LRP1B: variants seen among roughly 807,000 people sequenced by gnomAD.
The protein encoded by LRP1B is low-density lipoprotein receptor-related protein 1B.
In LRP1B, 217 loss-of-function variants were observed where a neutral mutation model predicts 556.6. That is an observed-to-expected ratio of 0.39 (90% CI 0.35 to 0.44). The LOEUF is 0.44. Ranked by LOEUF, LRP1B falls within the 20% of genes least tolerant of loss-of-function variation. LRP1B has a pLI of 1.00. For missense variants in LRP1B, 5,053 were observed against 5,620.8 expected, an observed-to-expected ratio of 0.90 and a Z score of 3.23; for synonymous variants, 2,047 against 1,865.8, an observed-to-expected ratio of 1.10 and a Z score of -2.50.
intron 2 of LRP1B, among the ~76,000 whole-genome samples, chr2:141,706,436 A>G (rs891950108): frequency 3.3e-5 from 5 of 152,088 alleles, no homozygotes; most frequent in Admixed American, 2.6e-4. Flanking sequence ...TTTGTGTTCA[A>G]TCAAATGCAT....
chr2:140,942,357 A>G (rs34672379), intron 20 of LRP1B, among the ~76,000 whole-genome samples: 4,230 of 152,256 alleles, frequency 0.028, 63 homozygotes, highest in African/African-American at 0.037. Context: ...AGCAACTTGG[A>G]AAACATATTT....
chr2:142,077,722 G>C (rs532638535), intron 1 of LRP1B, among the ~76,000 whole-genome samples: 96 of 152,100 alleles, frequency 6.3e-4, no homozygotes, highest in African/African-American at 2.2e-3. Flanking sequence ...TCCTTGGTTC[G>C]CTGCAGGATT....
chr2:140,405,616 C>T (rs932986742), intron 66 of LRP1B, among the ~76,000 whole-genome samples: 1 of 152,102 alleles, frequency 6.6e-6, no homozygotes, highest in Non-Finnish European at 1.5e-5. Flanking sequence ...TGCATAAATT[C>T]CTGTAAACAT....
At chr2:141,098,575 TGAGGACCTCA>T (rs1263886457) in intron 7 of LRP1B, among the ~76,000 whole-genome samples, 1 of 152,220 alleles carries the variant, frequency 6.6e-6, no homozygotes, top group Non-Finnish European at 1.5e-5. Flanking sequence ...TTAGCTTACA[TGAGGACCTCA>T]GAGTTCAGTG....
chr2:141,376,089 C>CT (rs1689423056), intron 3 of LRP1B, among the ~76,000 whole-genome samples: 4 of 152,120 alleles, frequency 2.6e-5, no homozygotes. Context: ...CTTCTCCCTC[C>CT]TTGGAGCAGT....
At chr2:141,045,797 A>T (rs1341662090) in intron 11 of LRP1B, among the ~76,000 whole-genome samples, 1 of 152,188 alleles carries the variant, frequency 6.6e-6, no homozygotes, top group East Asian at 1.9e-4. Flanking sequence ...CAAGTAATTA[A>T]TTTTTAAAAA....
intron 79 of LRP1B, among the ~76,000 whole-genome samples, chr2:140,330,157 A>G (rs1680721386): frequency 1.3e-5 from 2 of 150,410 alleles, no homozygotes. Flanking sequence ...CCAGACTAGC[A>G]TCACTGAACT....
intron 18 of LRP1B, among the ~76,000 whole-genome samples, chr2:140,974,677 G>A (rs763055776): frequency 2.0e-5 from 3 of 152,180 alleles, no homozygotes; most frequent in African/African-American, 2.4e-5. Context: ...ATGTAATAGT[G>A]AGATTCTTTC....
At chr2:140,299,925 T>C (rs997227866) in intron 83 of LRP1B, among the ~76,000 whole-genome samples, 1 of 152,166 alleles carries the variant, frequency 6.6e-6, no homozygotes, top group East Asian at 1.9e-4. Context: ...TGTGGATTCA[T>C]TGTTTCCTAT....
intron 2 of LRP1B, among the ~76,000 whole-genome samples, chr2:141,651,371 T>C (rs1015426429): frequency 2.6e-5 from 4 of 152,156 alleles, no homozygotes; most frequent in Admixed American, 2.6e-4. Flanking sequence ...CATAAAAGTA[T>C]TTTAAAAATG....
Position 141,822,124 on chromosome 2 carries a change from C to CAGAGAGAGAGAGAG in LRP1B, c.83-11724_83-11723insCTCTCTCTCTCTCT, listed in dbSNP as rs1390471936. Among the ~76,000 whole-genome samples the CAGAGAGAGAGAGAG allele has an allele frequency of 5.5e-3, 613 of 111,670 alleles. 5 individuals carry two copies. Among genetic ancestry groups the CAGAGAGAGAGAGAG allele is most frequent in the South Asian group, 0.021 (63 of 3,068 alleles). 73.3% of individuals were successfully genotyped at this position (111,670 alleles called of 152,430 possible). A position where few individuals can be genotyped will look rare whatever the true frequency, so the allele number is the denominator to read the frequency against. ...ACACACACACACACACACACACACACACACACAGAGAGAGAGAGAGAGAGA... is the reference window on the plus strand; with the variant it reads ...ACACACACACACACACACACACACACAGAGAGAGAGAGAGACACACAGAGAGAGAGAGAGAGAGA... On this transcript the variant is annotated intron_variant, in intron 1 of 90. Coordinates refer to ENST00000389484, the MANE Select transcript of LRP1B (RefSeq NM_018557.3).
At chr2:140,795,321 T>C (rs1690265432) in intron 32 of LRP1B, among the ~76,000 whole-genome samples, 1 of 152,182 alleles carries the variant, frequency 6.6e-6, no homozygotes, top group Non-Finnish European at 1.5e-5. Context: ...TTCTGAGTAC[T>C]GTTCATTTTT....
intron 2 of LRP1B, among the ~76,000 whole-genome samples, chr2:141,515,040 C>T (rs186688496): frequency 3.5e-4 from 53 of 152,294 alleles, no homozygotes; most frequent in African/African-American, 1.2e-3. Flanking sequence ...TGGTGGCTCA[C>T]GCCTGTAATC....
chr2:140,378,982 T>C (rs1338628729), intron 67 of LRP1B, among the ~76,000 whole-genome samples: 1 of 152,234 alleles, frequency 6.6e-6, no homozygotes, highest in Non-Finnish European at 1.5e-5. Flanking sequence ...ATAAGCCACA[T>C]AGTAATGACT....
At chr2:141,193,734 G>GA (rs537644669) in intron 6 of LRP1B, among the ~76,000 whole-genome samples, 66 of 137,512 alleles carry the variant, frequency 4.8e-4, no homozygotes, top group Non-Finnish European at 4.8e-4. Flanking sequence ...ATAAAAGTTA[G>GA]AAAAAAAAAC....
chr2:141,061,511 T>C (rs1246185167), intron 8 of LRP1B, among the ~76,000 whole-genome samples: 1 of 151,814 alleles, frequency 6.6e-6, no homozygotes, highest in Non-Finnish European at 1.5e-5. Flanking sequence ...AAGTAAAAAG[T>C]AACACATTTA....
intron 29 of LRP1B, among the ~76,000 whole-genome samples, chr2:140,843,445 AATGTG>A (rs1323223442): frequency 6.6e-6 from 1 of 152,062 alleles, no homozygotes; most frequent in African/African-American, 2.4e-5. Context: ...AGCCACCCAG[AATGTG>A]ATGTCTAAAT....
intron 1 of LRP1B, among the ~76,000 whole-genome samples, chr2:141,948,037 T>A (rs1411209614): frequency 6.6e-6 from 1 of 152,030 alleles, no homozygotes; most frequent in Non-Finnish European, 1.5e-5. Flanking sequence ...GTGGCTCACA[T>A]CTGTAATCCC....
chr2:141,963,339 C>G (rs1701460744), intron 1 of LRP1B, among the ~76,000 whole-genome samples: 1 of 151,826 alleles, frequency 6.6e-6, no homozygotes, highest in African/African-American at 2.4e-5. Context: ...GAATAATCAA[C>G]TGACCATCTG....
Sources: allele counts gnomAD v4.1 joint callset (sites outside exome capture counted in the v4.1 genomes callset), GRCh38; gene constraint gnomAD v4.1.1; transcripts MANE v1.5; gene names NCBI Gene and HGNC (gene_info 2026-07-23, HGNC 2026-07-21).